COL27A1: variants seen among roughly 807,000 people sequenced by gnomAD.
The protein encoded by COL27A1 is collagen type XXVII alpha 1 chain.
A neutral mutation model predicts 251.3 loss-of-function variants in COL27A1; 106 were observed. That is an observed-to-expected ratio of 0.42 (90% CI 0.36 to 0.50). The LOEUF (loss-of-function observed/expected upper bound fraction) is 0.50. Among genes scored for constraint, COL27A1 ranks in the 20% least tolerant of loss-of-function variants. The probability of loss-of-function intolerance (pLI) is 0.00; values close to 1 mark genes in which losing one functional copy is unlikely to be tolerated. For synonymous variants in COL27A1, 1,000 were observed against 986.3 expected (o/e 1.01, Z -0.26); for missense variants, 2,325 against 2,522.8 (o/e 0.92, Z 1.68).
At chr9:114,277,691 G>A (rs942724728) in intron 37 of COL27A1, among the ~76,000 whole-genome samples, 2 of 152,182 alleles carry the variant, frequency 1.3e-5, no homozygotes, top group South Asian at 2.1e-4. Flanking sequence ...TTGACTCAGC[G>A]GCGGGGAAGT....
At chr9:114,220,626 G>A (rs1564485288) in intron 13 of COL27A1, among the ~76,000 whole-genome samples, 2 of 152,196 alleles carry the variant, frequency 1.3e-5, no homozygotes, top group African/African-American at 2.4e-5. Flanking sequence ...CCACTTGTCA[G>A]GTGTGTGAGC....
intron 49 of COL27A1, among the ~76,000 whole-genome samples, chr9:114,297,759 G>A (rs546330935): frequency 6.6e-6 from 1 of 152,190 alleles, no homozygotes; most frequent in South Asian, 2.1e-4. Context: ...CCCAAGATCA[G>A]GAGCAAGCCA....
At chr9:114,297,573 AC>A (rs1828339781) in intron 49 of COL27A1, among the ~76,000 whole-genome samples, 1 of 152,230 alleles carries the variant, frequency 6.6e-6, no homozygotes, top group Non-Finnish European at 1.5e-5. Context: ...TAAAGGACAA[AC>A]ATTATAGAGT....
At chr9:114,289,394 C>T (rs922273650) in intron 45 of COL27A1, 99 bp downstream of exon 45, 38 of 1,236,950 alleles carry the variant, frequency 3.1e-5, no homozygotes, top group Non-Finnish European at 3.7e-5. Flanking sequence ...GCAGAGGCTG[C>T]GAGGCAGGGT....
chr9:114,222,794 G>C (rs545898181), intron 14 of COL27A1, among the ~76,000 whole-genome samples: 5 of 152,238 alleles, frequency 3.3e-5, no homozygotes, highest in Admixed American at 1.3e-4. Context: ...TGTGTGACCT[G>C]GGCCAAGCCA....
At chr9:114,194,759 A>G (rs570918334) in intron 6 of COL27A1, among the ~76,000 whole-genome samples, 1 of 152,366 alleles carries the variant, frequency 6.6e-6, no homozygotes, top group Non-Finnish European at 1.5e-5. Context: ...AATGTCCTGC[A>G]TGGCTTTCTG....
chr9:114,164,678 C>A (rs1848710588), intron 2 of COL27A1, among the ~76,000 whole-genome samples: 2 of 152,156 alleles, frequency 1.3e-5, no homozygotes, highest in African/African-American at 4.8e-5. Flanking sequence ...CTTGTCCAAC[C>A]AAATGGCTCC....
At chr9:114,266,640 T>C in intron 33 of COL27A1, 22 bp downstream of exon 33, 1 of 1,608,160 alleles carries the variant, frequency 6.2e-7, no homozygotes, top group Non-Finnish European at 8.5e-7. Context: ...AGACCCTTAT[T>C]CGTCCCATGA....
intron 7 of COL27A1, among the ~76,000 whole-genome samples, chr9:114,199,141 T>G (rs1418184599): frequency 1.3e-5 from 2 of 152,172 alleles, no homozygotes; most frequent in Non-Finnish European, 2.9e-5. Flanking sequence ...TTCTCTCATC[T>G]AACCCTCCTG....
At chr9:114,305,086 G>A (rs1250816956) in intron 57 of COL27A1, among the ~76,000 whole-genome samples, 1 of 152,178 alleles carries the variant, frequency 6.6e-6, no homozygotes, top group Admixed American at 6.5e-5. Context: ...CTGCCCTGTG[G>A]TTAACTCAGC....
intron 2 of COL27A1, among the ~76,000 whole-genome samples, chr9:114,163,274 A>G (rs562779786): frequency 5.3e-5 from 8 of 152,164 alleles, no homozygotes; most frequent in African/African-American, 1.2e-4. Flanking sequence ...GTAAAAGGGT[A>G]GGAAGGACTC....
chr9:114,178,817 C>G (rs113372298), intron 4 of COL27A1, among the ~76,000 whole-genome samples: 121 of 152,254 alleles, frequency 7.9e-4, no homozygotes, highest in Middle Eastern at 3.4e-3. Context: ...GCTTGGCAGG[C>G]TGCGGTGGCT....
intron 41 of COL27A1, among the ~76,000 whole-genome samples, chr9:114,287,113 G>T (rs1827549259): frequency 6.6e-6 from 1 of 152,162 alleles, no homozygotes; most frequent in African/African-American, 2.4e-5. Context: ...CACCCCTCTA[G>T]ACCTCAGGCC....
intron 16 of COL27A1, 25 bp downstream of exon 16, chr9:114,231,891 A>T (rs992497906): frequency 3.1e-6 from 5 of 1,612,190 alleles, no homozygotes; most frequent in Non-Finnish European, 3.4e-6. Context: ...CCCTTATTGC[A>T]CTGTGGTTTC....
At chr9:114,295,777 C>T (rs1045164079) in intron 49 of COL27A1, among the ~76,000 whole-genome samples, 1 of 152,142 alleles carries the variant, frequency 6.6e-6, no homozygotes, top group African/African-American at 2.4e-5. Context: ...CCTGCTTCAG[C>T]CTCCCCAGTA....
At chr9:114,305,445 A>G (rs1828968533) in intron 57 of COL27A1, among the ~76,000 whole-genome samples, 1 of 152,238 alleles carries the variant, frequency 6.6e-6, no homozygotes, top group African/African-American at 2.4e-5. Context: ...GATGCCGCAC[A>G]GGAGAGCGCT....
At chr9:114,188,509 T>C (rs1233503151) in intron 5 of COL27A1, among the ~76,000 whole-genome samples, 7 of 152,198 alleles carry the variant, frequency 4.6e-5, no homozygotes, top group African/African-American at 9.7e-5. Flanking sequence ...AGTTCATACC[T>C]CATAGGATTG....
intron 6 of COL27A1, among the ~76,000 whole-genome samples, chr9:114,194,838 A>G (rs570679862): frequency 2.0e-5 from 3 of 152,206 alleles, no homozygotes; most frequent in Non-Finnish European, 2.9e-5. Context: ...AGCTTCCAAT[A>G]GACACTCAAA....
Position 114,300,709 on chromosome 9 carries a change from G to A in COL27A1, c.4701+22G>A, listed in dbSNP as rs200231231. The stretch of plus-strand genomic sequence containing the variant: ...GATGGTGAGTTCCCTCCCTGCTGTC[G>A]GAGCAGAGATGATTGTCCTAGGCCC... On this transcript the variant is annotated intron_variant, in intron 51 of 60. Coordinates refer to ENST00000356083, the MANE Select transcript of COL27A1 (RefSeq NM_032888.4). 1.5e-4 allele frequency: 219 copies of A among 1,485,170 alleles called. 1 individual carries two copies. The Admixed American group carries it at 4.7e-3, about 32-fold the overall frequency. The allele number at this position is 1,485,170 out of a possible 1,614,324, so 92.0% of individuals were successfully genotyped here.
Sources: gnomAD v4.1 joint callset for allele counts (sites outside exome capture counted in the v4.1 genomes callset) on GRCh38, gnomAD v4.1.1 for gene constraint, MANE v1.5 for transcripts, NCBI Gene and HGNC (gene_info 2026-07-23, HGNC 2026-07-21) for gene names.